The following LRPPRC variants were observed in gnomAD, a reference collection of about 807,000 sequenced individuals.
LRPPRC encodes the protein leucine-rich PPR motif-containing protein, mitochondrial.
Under a neutral mutation model 180.3 loss-of-function variants are expected in LRPPRC, and 120 were observed. The ratio of observed to expected loss-of-function variants is 0.67; its 90% CI spans 0.57 to 0.77. The LOEUF (loss-of-function observed/expected upper bound fraction) is 0.77. Ranked by LOEUF, LRPPRC falls within the 30% of genes least tolerant of loss-of-function variation. LRPPRC has a pLI of 0.00. For synonymous variants in LRPPRC, 723 were observed against 600.0 expected (o/e 1.21, Z -3.00); for missense variants, 2,012 against 1,657.2 (o/e 1.21, Z -3.72).
intron 27 of LRPPRC, among the ~76,000 whole-genome samples, chr2:43,919,959 C>G (rs1352297388): frequency 6.6e-6 from 1 of 151,234 alleles, no homozygotes; most frequent in Admixed American, 6.6e-5. Flanking sequence ...TAGGATTTTC[C>G]TAGATTATTC....
At chr2:43,951,566 G>C (rs984371083) in intron 14 of LRPPRC, among the ~76,000 whole-genome samples, 3 of 152,144 alleles carry the variant, frequency 2.0e-5, no homozygotes, top group African/African-American at 7.2e-5. Flanking sequence ...TTTATTTAAA[G>C]TAAGTTCTGA....
chr2:43,923,702 G>GTTTTTTT (rs796502073), intron 27 of LRPPRC, among the ~76,000 whole-genome samples: 1 of 137,612 alleles, frequency 7.3e-6, no homozygotes, highest in Non-Finnish European at 1.6e-5. Flanking sequence ...GGGCTTCATA[G>GTTTTTTT]TTTTTTTTTT....
At chr2:43,957,090 C>T (rs937948992) in intron 14 of LRPPRC, among the ~76,000 whole-genome samples, 4 of 152,142 alleles carry the variant, frequency 2.6e-5, no homozygotes, top group African/African-American at 9.7e-5. Flanking sequence ...ATAAGCTGAA[C>T]ATACATATGC....
chr2:43,994,113 C>A (rs764368380), intron 1 of LRPPRC, among the ~76,000 whole-genome samples: 13 of 151,874 alleles, frequency 8.6e-5, no homozygotes, highest in Non-Finnish European at 1.6e-4. Flanking sequence ...CACAGAAATG[C>A]TGAGGATTAG....
chr2:43,956,733 T>C (rs1299392210), intron 14 of LRPPRC, among the ~76,000 whole-genome samples: 1 of 151,824 alleles, frequency 6.6e-6, no homozygotes, highest in African/African-American at 2.4e-5. Context: ...CTACTAAAAA[T>C]ACAAAACTTA....
chr2:43,973,375 G>T (rs942015091), intron 11 of LRPPRC, among the ~76,000 whole-genome samples: 5 of 152,110 alleles, frequency 3.3e-5, no homozygotes, highest in African/African-American at 1.2e-4. Context: ...TGAATATCAA[G>T]ATCAGAGATG....
At chr2:43,956,158 G>A (rs1673105129) in intron 14 of LRPPRC, among the ~76,000 whole-genome samples, 1 of 151,144 alleles carries the variant, frequency 6.6e-6, no homozygotes, top group Non-Finnish European at 1.5e-5. Context: ...AAAAACCAGT[G>A]TTATTAAAAA....
rs1670881038 is a variant in LRPPRC, at chr2:43,901,387, G to A, written c.3502C>T (p.Leu1168Phe). The change falls in exon 32 of 38, where the codon CTC becomes TTC. Residue 1168 changes from leucine (L) to phenylalanine (F), a missense_variant. Transcript: ENST00000260665. ...IEVVQKMLNG[L>F]EDSIGLSKMV... The stretch of plus-strand genomic sequence containing the variant: ...TTTGAAAGTCCAATGGAGTCTTCGA[G>A]TCCATTTAACATCTTCTGAACTACT... 1 of 1,613,096 alleles carries A rather than the reference G, an allele frequency of 6.2e-7. No homozygotes were observed.
intron 14 of LRPPRC, among the ~76,000 whole-genome samples, chr2:43,951,678 A>C (rs1033652607): frequency 3.9e-5 from 6 of 152,168 alleles, no homozygotes; most frequent in African/African-American, 1.4e-4. Flanking sequence ...GGACTGCCAA[A>C]ATCTTGGCTG....
At chr2:43,927,551 C>T (rs1007254925) in intron 25 of LRPPRC, among the ~76,000 whole-genome samples, 5 of 152,104 alleles carry the variant, frequency 3.3e-5, no homozygotes, top group Admixed American at 2.0e-4. Flanking sequence ...TTGTTTCACA[C>T]GCATAATACT....
Position 43,888,082 on chromosome 2 carries a change from T to A in LRPPRC, c.*518A>T, listed in dbSNP as rs138559252. 17 of 160,344 alleles carry A rather than the reference T, an allele frequency of 1.1e-4. No individual in the cohort carries two copies. The East Asian group carries it at 3.1e-3, about 29-fold the overall frequency. 9.9% of individuals were successfully genotyped at this position (160,344 alleles called of 1,614,324 possible). ...GTAACAGGCCCTTTGGGTCTCTGCT[T>A]CTCACTGGAAAATGATGAAGCCTAG... is the stretch of plus-strand genomic sequence containing the variant. On this transcript the variant is annotated 3_prime_UTR_variant, in exon 38 of 38. Coordinates refer to ENST00000260665, the MANE Select transcript of LRPPRC (RefSeq NM_133259.4).
intron 3 of LRPPRC, among the ~76,000 whole-genome samples, chr2:43,978,363 G>C (rs1674149955): frequency 6.6e-6 from 1 of 152,100 alleles, no homozygotes; most frequent in Non-Finnish European, 1.5e-5. Context: ...GGAAAATAAA[G>C]AAGCCATGGA....
At chr2:43,951,302 T>C (rs543928195) in intron 14 of LRPPRC, among the ~76,000 whole-genome samples, 1 of 152,338 alleles carries the variant, frequency 6.6e-6, no homozygotes, top group African/African-American at 2.4e-5. Flanking sequence ...TTGGTTAGGC[T>C]ACAAAGAGCT....
chr2:43,972,160 G>C (rs915598253), intron 11 of LRPPRC, among the ~76,000 whole-genome samples: 3 of 152,102 alleles, frequency 2.0e-5, no homozygotes, highest in African/African-American at 7.2e-5. Context: ...TCTAATCCCA[G>C]CCTAATCACA....
chr2:43,986,955 T>G (rs539044757), intron 1 of LRPPRC, among the ~76,000 whole-genome samples: 2 of 152,218 alleles, frequency 1.3e-5, no homozygotes, highest in African/African-American at 4.8e-5. Context: ...CACTGTAATG[T>G]AGAAAATGGG....
intron 12 of LRPPRC, among the ~76,000 whole-genome samples, chr2:43,963,048 G>A (rs1673413041): frequency 2.6e-5 from 4 of 152,170 alleles, no homozygotes. Context: ...TTGGCATATT[G>A]TCTTTTTAAT....
intron 36 of LRPPRC, among the ~76,000 whole-genome samples, chr2:43,893,948 T>C (rs943778260): frequency 1.4e-4 from 22 of 152,262 alleles, no homozygotes; most frequent in Middle Eastern, 3.4e-3. Context: ...GTGATCATGA[T>C]TGAGAAATGC....
At chr2:43,964,582 T>C (rs1243834581) in intron 11 of LRPPRC, among the ~76,000 whole-genome samples, 3 of 152,184 alleles carry the variant, frequency 2.0e-5, no homozygotes, top group African/African-American at 7.2e-5. Flanking sequence ...TGTTACATGA[T>C]GAACTCCAGT....
chr2:43,938,388 T>C (rs75566503), intron 23 of LRPPRC, among the ~76,000 whole-genome samples: 3,352 of 152,290 alleles, frequency 0.022, 133 homozygotes, highest in African/African-American at 0.076. Flanking sequence ...TCTGTAATTT[T>C]AAATTTTAAG....
Sources: gnomAD v4.1 joint callset for allele counts (sites outside exome capture counted in the v4.1 genomes callset) on GRCh38, gnomAD v4.1.1 for gene constraint, MANE v1.5 for transcripts, NCBI Gene and HGNC (gene_info 2026-07-23, HGNC 2026-07-21) for gene names.